The following TMTC2 variants were observed in gnomAD, a reference collection of about 807,000 sequenced individuals.
TMTC2 encodes transmembrane O-mannosyltransferase targeting cadherins 2.
TMTC2 carries 43 observed loss-of-function variants against 82.4 expected under a neutral mutation model. The observed-to-expected ratio is 0.52, with a 90% confidence interval of 0.41 to 0.67. TMTC2 has a LOEUF of 0.67. Among genes scored for constraint, TMTC2 ranks in the 30% least tolerant of loss-of-function variants. TMTC2 has a pLI of 0.00. For missense variants in TMTC2, 919 were observed against 1,012.4 expected (o/e 0.91, Z 1.25); for synonymous variants, 408 against 381.9 (o/e 1.07, Z -0.80).
intron 1 of TMTC2, among the ~76,000 whole-genome samples, chr12:82,740,487 C>T (rs369459894): frequency 9.2e-5 from 14 of 152,216 alleles, no homozygotes; most frequent in Admixed American, 5.2e-4. Flanking sequence ...GTGAAGGATC[C>T]GCAGGGAAGG....
chr12:82,932,148 A>C (rs1362588512), intron 4 of TMTC2, among the ~76,000 whole-genome samples: 8 of 152,202 alleles, frequency 5.3e-5, no homozygotes, highest in Non-Finnish European at 1.2e-4. Context: ...AGATACTTAA[A>C]AAAATAACTA....
chr12:82,782,137 G>T (rs1011658954), intron 1 of TMTC2, among the ~76,000 whole-genome samples: 2 of 152,060 alleles, frequency 1.3e-5, no homozygotes, highest in Admixed American at 6.5e-5. Flanking sequence ...GCTTCCTAAT[G>T]ATGGCTGGAT....
intron 1 of TMTC2, among the ~76,000 whole-genome samples, chr12:82,755,509 AAAG>A (rs1379299746): frequency 6.6e-6 from 1 of 152,238 alleles, no homozygotes; most frequent in African/African-American, 2.4e-5. Flanking sequence ...AAATTATTTA[AAAG>A]AAGACTTTAC....
chr12:82,942,984 T>C (rs1451019849), intron 4 of TMTC2, among the ~76,000 whole-genome samples: 1 of 152,206 alleles, frequency 6.6e-6, no homozygotes, highest in South Asian at 2.1e-4. Context: ...TTTCAGTAAG[T>C]TGCTGCAAGT....
intron 4 of TMTC2, among the ~76,000 whole-genome samples, chr12:82,937,754 A>G (rs12304422): frequency 0.39 from 9,470 of 24,154 alleles, 750 homozygotes; most frequent in Admixed American, 0.46. Flanking sequence ...GTGTGTGTAT[A>G]TATATATATA....
At chr12:82,753,944 A>G (rs1446139946) in intron 1 of TMTC2, among the ~76,000 whole-genome samples, 1 of 152,190 alleles carries the variant, frequency 6.6e-6, no homozygotes, top group African/African-American at 2.4e-5. Context: ...AGGGAGTCTT[A>G]GTAGGTCACG....
intron 2 of TMTC2, among the ~76,000 whole-genome samples, chr12:82,876,028 C>CATAATGGTGGTGGT (rs1872475551): frequency 1.2e-5 from 1 of 83,488 alleles, no homozygotes; most frequent in African/African-American, 5.2e-5. Flanking sequence ...GTAGTGGTGG[C>CATAATGGTGGTGGT]GGTGGTGGTG....
chr12:82,897,928 CTG>C (rs979043709), intron 3 of TMTC2, among the ~76,000 whole-genome samples: 4 of 151,338 alleles, frequency 2.6e-5, no homozygotes, highest in African/African-American at 9.8e-5. Flanking sequence ...AGGTGTAAAA[CTG>C]TTCCAGAATA....
chr12:82,775,664 A>T (rs887317612), intron 1 of TMTC2, among the ~76,000 whole-genome samples: 4 of 152,098 alleles, frequency 2.6e-5, no homozygotes, highest in Non-Finnish European at 5.9e-5. Context: ...TCAAAAAGAA[A>T]AATATTTTTA....
At chr12:82,716,182 A>T (rs547489491) in intron 1 of TMTC2, among the ~76,000 whole-genome samples, 45 of 152,278 alleles carry the variant, frequency 3.0e-4, no homozygotes, top group African/African-American at 1.1e-3. Flanking sequence ...TGGCAACTTG[A>T]TATGCTAGTT....
At chr12:82,712,573 C>A (rs1873684519) in intron 1 of TMTC2, among the ~76,000 whole-genome samples, 1 of 152,022 alleles carries the variant, frequency 6.6e-6, no homozygotes, top group Non-Finnish European at 1.5e-5. Context: ...TGGAAGAAGT[C>A]ATACTTGAGT....
chr12:82,792,478 G>C (rs943206430), intron 1 of TMTC2, among the ~76,000 whole-genome samples: 5 of 151,706 alleles, frequency 3.3e-5, no homozygotes, highest in African/African-American at 9.7e-5. Context: ...TTGTTTGTTT[G>C]TTTAAATTGA....
intron 9 of TMTC2, among the ~76,000 whole-genome samples, chr12:83,049,201 AG>A (rs1488037003): frequency 6.6e-6 from 1 of 152,070 alleles, no homozygotes; most frequent in African/African-American, 2.4e-5. Context: ...ATACACGTGC[AG>A]GTTTGCTATG....
At chr12:82,935,105 C>T (rs1166185496) in intron 4 of TMTC2, among the ~76,000 whole-genome samples, 2 of 152,076 alleles carry the variant, frequency 1.3e-5, no homozygotes, top group East Asian at 1.9e-4. Context: ...GTTTACTGAA[C>T]TCATGGTATA....
chr12:82,883,532 C>T (rs1228221327), intron 2 of TMTC2, among the ~76,000 whole-genome samples: 1 of 152,146 alleles, frequency 6.6e-6, no homozygotes, highest in African/African-American at 2.4e-5. Flanking sequence ...AGTGAAGTCT[C>T]ATTATAATTT....
At chr12:82,981,633 C>T (rs1878922381) in intron 7 of TMTC2, among the ~76,000 whole-genome samples, 1 of 151,828 alleles carries the variant, frequency 6.6e-6, no homozygotes, top group Admixed American at 6.6e-5. Flanking sequence ...TGTTTCTTTC[C>T]TCCTGGGCAC....
chr12:83,018,464 A>C (rs138692543), intron 8 of TMTC2, among the ~76,000 whole-genome samples: 195 of 152,314 alleles, frequency 1.3e-3, no homozygotes, highest in Non-Finnish European at 2.3e-3. Context: ...AATGAGAAAC[A>C]CCCATTGTAG....
intron 1 of TMTC2, among the ~76,000 whole-genome samples, chr12:82,729,057 C>G (rs575310790): frequency 6.6e-6 from 1 of 152,368 alleles, no homozygotes; most frequent in South Asian, 2.1e-4. Context: ...AGCGCTGCCC[C>G]CTGCTCCAGG....
Position 82,714,617 on chromosome 12 carries a change from C to G in TMTC2, c.83+26948C>G, listed in dbSNP as rs192889365. On this transcript the variant is annotated intron_variant, in intron 1 of 11. Coordinates refer to ENST00000321196, the MANE Select transcript of TMTC2 (RefSeq NM_152588.3). ...TCCTGATCTCTTTCAGGATAATGTG[C>G]TAGATAGCTAAGCTGGCTTCCACCT... Among the ~76,000 whole-genome samples, 814 of 152,240 alleles carry G rather than the reference C, an allele frequency of 5.3e-3. 4 individuals are homozygous for G. The highest frequency in any genetic ancestry group is 9.4e-3 in the Non-Finnish European group (641 of 68,014).
Sources: allele counts gnomAD v4.1 joint callset (sites outside exome capture counted in the v4.1 genomes callset), GRCh38; gene constraint gnomAD v4.1.1; transcripts MANE v1.5; gene names NCBI Gene and HGNC (gene_info 2026-07-23, HGNC 2026-07-21).